The following HTR1F variants were observed in gnomAD, a reference collection of about 807,000 sequenced individuals.
HTR1F encodes 5-hydroxytryptamine receptor 1F, also known as 5-hydroxytryptamine (serotonin) receptor 1F, G protein-coupled.
Under a neutral mutation model 24.0 loss-of-function variants are expected in HTR1F, and 17 were observed. That is an observed-to-expected ratio of 0.71 (90% CI 0.48 to 1.06). The LOEUF (loss-of-function observed/expected upper bound fraction) is 1.06. Ranked by LOEUF, HTR1F falls within the 50% of genes least tolerant of loss-of-function variation. HTR1F has a pLI of 0.00. For missense variants in HTR1F, 391 were observed against 427.8 expected (o/e 0.91, Z 0.76); for synonymous variants, 186 against 156.8 (o/e 1.19, Z -1.39).
chr3:87,936,809 C>T (rs1704430573), intron 2 of HTR1F, among the ~76,000 whole-genome samples: 1 of 152,042 alleles, frequency 6.6e-6, no homozygotes, highest in Non-Finnish European at 1.5e-5. Flanking sequence ...ACACACAAGT[C>T]CATTCATTTG....
chr3:87,911,193 C>T (rs1703772325), intron 2 of HTR1F, among the ~76,000 whole-genome samples: 1 of 151,464 alleles, frequency 6.6e-6, no homozygotes, highest in Non-Finnish European at 1.5e-5. Context: ...TTGTTTTCTG[C>T]AAAAAATAAC....
At chr3:87,820,362 G>A (rs1442433640) in intron 1 of HTR1F, among the ~76,000 whole-genome samples, 1 of 151,564 alleles carries the variant, frequency 6.6e-6, no homozygotes, top group East Asian at 1.9e-4. Flanking sequence ...ATTTTTAGTA[G>A]AGACGGGGTT....
At chr3:87,864,260 G>A (rs560807030) in intron 2 of HTR1F, among the ~76,000 whole-genome samples, 34 of 152,132 alleles carry the variant, frequency 2.2e-4, no homozygotes, top group African/African-American at 3.4e-4. Flanking sequence ...TTGGGAGGCC[G>A]TTATTTGGCC....
At chr3:87,974,793 A>G (rs998791383) in intron 2 of HTR1F, among the ~76,000 whole-genome samples, 2 of 152,356 alleles carry the variant, frequency 1.3e-5, no homozygotes, top group East Asian at 1.9e-4. Flanking sequence ...TCTTTTATGC[A>G]TATGTACTAC....
chr3:87,814,581 C>G (rs1466539421), intron 1 of HTR1F, among the ~76,000 whole-genome samples: 1 of 152,106 alleles, frequency 6.6e-6, no homozygotes, highest in African/African-American at 2.4e-5. Context: ...TGAGTTCAAT[C>G]TTTTTAGATT....
At position 87,884,918 on chromosome 3, in the gene HTR1F, G is replaced by T. The variant is rs1705900690; in HGVS notation, c.-43+62794G>T. On this transcript the variant is annotated intron_variant, in intron 2 of 2. Coordinates refer to ENST00000319595, the MANE Select transcript of HTR1F (RefSeq NM_001322209.2). The stretch of plus-strand genomic sequence containing the variant: ...TAATGGGAGACTTTAACACCCCACT[G>T]TCAGACAGATCAATGAGTCAGAAGG... Among the ~76,000 whole-genome samples, 3 of 151,042 alleles carry T rather than the reference G, an allele frequency of 2.0e-5. 1 individual carries two copies. The highest frequency in any genetic ancestry group is 7.3e-5 in the African/African-American group (3 of 41,290).
intron 2 of HTR1F, among the ~76,000 whole-genome samples, chr3:87,842,326 A>C (rs1704826747): frequency 6.6e-6 from 1 of 151,438 alleles, no homozygotes. Flanking sequence ...ACGCCCGGCT[A>C]ATTTTTTTTG....
chr3:87,992,452 G>T lies in HTR1F; in HGVS notation c.*602G>T, dbSNP rs893724352. 2 of 166,856 alleles carry T rather than the reference G, an allele frequency of 1.2e-5. No individual in the cohort carries two copies. Among genetic ancestry groups the T allele is most frequent in the Non-Finnish European group, 2.9e-5 (2 of 68,056 alleles). The allele number at this position is 166,856 out of a possible 1,614,324, so 10.3% of individuals were successfully genotyped here. On this transcript the variant is annotated 3_prime_UTR_variant, in exon 3 of 3. Transcript: ENST00000319595. ...GGTAGCAAAGAGTAATCATAAAGTG[G>T]GTTAGGTACAGCAAAATAATTCAAT...
At chr3:87,935,278 T>G (rs1704384513) in intron 2 of HTR1F, among the ~76,000 whole-genome samples, 1 of 152,212 alleles carries the variant, frequency 6.6e-6, no homozygotes, top group Admixed American at 6.5e-5. Flanking sequence ...GTGGGTAGCA[T>G]GCTACTTCCT....
intron 2 of HTR1F, among the ~76,000 whole-genome samples, chr3:87,945,238 C>T (rs528496954): frequency 2.6e-5 from 4 of 151,934 alleles, no homozygotes; most frequent in Admixed American, 6.6e-5. Context: ...GAGCTGTACA[C>T]CTAAATCGGG....
At chr3:87,885,028 C>T (rs561102317) in intron 2 of HTR1F, among the ~76,000 whole-genome samples, 2 of 152,302 alleles carry the variant, frequency 1.3e-5, no homozygotes, top group Non-Finnish European at 2.9e-5. Flanking sequence ...CCCAAATCGA[C>T]AGAATATACA....
chr3:87,932,956 A>C (rs1335331186), intron 2 of HTR1F, among the ~76,000 whole-genome samples: 1 of 149,240 alleles, frequency 6.7e-6, no homozygotes, highest in African/African-American at 2.5e-5. Flanking sequence ...AATCCTCAAT[A>C]AAATACTGGC....
At chr3:87,894,804 G>A (rs1325688654) in intron 2 of HTR1F, among the ~76,000 whole-genome samples, 2 of 152,004 alleles carry the variant, frequency 1.3e-5, no homozygotes, top group Admixed American at 1.3e-4. Flanking sequence ...TGAGGATTAA[G>A]AGAGTTAATA....
At chr3:87,930,816 T>C (rs964368611) in intron 2 of HTR1F, among the ~76,000 whole-genome samples, 23 of 152,142 alleles carry the variant, frequency 1.5e-4, no homozygotes, top group African/African-American at 5.1e-4. Flanking sequence ...ACTACTACTA[T>C]TTGTTTACAT....
chr3:87,888,969 G>C (rs1706018743), intron 2 of HTR1F, among the ~76,000 whole-genome samples: 1 of 152,172 alleles, frequency 6.6e-6, no homozygotes, highest in Non-Finnish European at 1.5e-5. Flanking sequence ...GGGACCTAAT[G>C]GGAGGTGTTT....
intron 2 of HTR1F, among the ~76,000 whole-genome samples, chr3:87,931,824 C>T (rs1452689855): frequency 5.4e-5 from 8 of 149,208 alleles, no homozygotes; most frequent in Middle Eastern, 3.4e-3. Flanking sequence ...CTTCATGTGT[C>T]TTTTGGCTGC....
chr3:87,919,500 C>G (rs1703965353), intron 2 of HTR1F, among the ~76,000 whole-genome samples: 2 of 152,058 alleles, frequency 1.3e-5, no homozygotes, highest in South Asian at 4.1e-4. Context: ...CATCCAGAAT[C>G]TACAACGAAC....
intron 1 of HTR1F, among the ~76,000 whole-genome samples, chr3:87,797,300 C>T (rs1416362489): frequency 6.6e-6 from 1 of 152,094 alleles, no homozygotes; most frequent in Non-Finnish European, 1.5e-5. Context: ...TAATAGATAA[C>T]TAGGAACTAC....
intron 2 of HTR1F, among the ~76,000 whole-genome samples, chr3:87,834,016 G>A (rs1259699673): frequency 6.6e-6 from 1 of 152,102 alleles, no homozygotes; most frequent in African/African-American, 2.4e-5. Flanking sequence ...CAACTCAGGT[G>A]CACATTTTGT....
Sources: gnomAD v4.1 joint callset for allele counts (sites outside exome capture counted in the v4.1 genomes callset) on GRCh38, gnomAD v4.1.1 for gene constraint, MANE v1.5 for transcripts, NCBI Gene and HGNC (gene_info 2026-07-23, HGNC 2026-07-21) for gene names.